The following RIMS1 variants were observed in gnomAD, a reference collection of about 807,000 sequenced individuals.
RIMS1 encodes regulating synaptic membrane exocytosis protein 1.
Under a neutral mutation model 214.1 loss-of-function variants are expected in RIMS1, and 83 were observed. That is an observed-to-expected ratio of 0.39 (90% CI 0.32 to 0.47). RIMS1 has a LOEUF of 0.47. Among genes scored for constraint, RIMS1 ranks in the 20% least tolerant of loss-of-function variants. The pLI, the probability that RIMS1 is intolerant of heterozygous loss-of-function variation, is 0.99. For missense variants in RIMS1, 2,050 were observed against 2,161.8 expected (o/e 0.95, Z 1.03); for synonymous variants, 793 against 786.8 (o/e 1.01, Z -0.13).
intron 6 of RIMS1, among the ~76,000 whole-genome samples, chr6:72,214,878 C>A (rs1403662382): frequency 1.3e-5 from 2 of 152,048 alleles, no homozygotes; most frequent in African/African-American, 4.8e-5. Context: ...CCCACCACCA[C>A]ACGCAGCTAA....
intron 27 of RIMS1, among the ~76,000 whole-genome samples, chr6:72,312,729 C>T (rs1039990953): frequency 6.6e-6 from 1 of 152,018 alleles, no homozygotes; most frequent in South Asian, 2.1e-4. Flanking sequence ...CCAGTCACTG[C>T]CTCTTTGCTC....
chr6:72,368,650 C>T (rs927059465), intron 29 of RIMS1, among the ~76,000 whole-genome samples: 7 of 151,890 alleles, frequency 4.6e-5, no homozygotes, highest in East Asian at 1.9e-4. Flanking sequence ...GCGGTAAGCA[C>T]GAGTCTTCAC....
intron 1 of RIMS1, among the ~76,000 whole-genome samples, chr6:71,922,968 T>C (rs1201824307): frequency 1.3e-5 from 2 of 150,842 alleles, no homozygotes; most frequent in Non-Finnish European, 2.9e-5. Context: ...AAACGATAGC[T>C]TAAAAAAAAT....
chr6:72,180,078 T>A (rs2048212154), intron 5 of RIMS1, among the ~76,000 whole-genome samples, 163 bp downstream of exon 5: 1 of 152,252 alleles, frequency 6.6e-6, no homozygotes, highest in African/African-American at 2.4e-5. Flanking sequence ...ATCTCTAGAA[T>A]GTATTCCTTA....
chr6:72,358,025 G>A (rs1222700742), intron 29 of RIMS1, among the ~76,000 whole-genome samples: 1 of 139,858 alleles, frequency 7.2e-6, no homozygotes, highest in Non-Finnish European at 1.7e-5. Context: ...AACACAGCTG[G>A]TGCCCGTTAG....
intron 33 of RIMS1, 36 bp downstream of exon 33, chr6:72,399,130 T>C: frequency 6.5e-7 from 1 of 1,544,048 alleles, no homozygotes. Flanking sequence ...TACATTGAAA[T>C]GTCTGTTTTA....
chr6:72,262,073 CA>C lies in RIMS1; in HGVS notation c.3116+1314del, dbSNP rs889432793. On this transcript the variant is annotated intron_variant, in intron 19 of 33. Transcript: ENST00000521978. ...AAAAAACATGCACACAAAACAAACA[CA>C]AAAAAAATCCTTATATTTTAAGCTA... is the stretch of plus-strand genomic sequence containing the variant. 29 of 984,158 alleles carry C rather than the reference CA, an allele frequency of 2.9e-5. 1 individual carries two copies. The highest frequency in any genetic ancestry group is 2.4e-4 in the South Asian group (5 of 21,250). 61.0% of individuals were successfully genotyped at this position (984,158 alleles called of 1,614,324 possible). A position where few individuals can be genotyped will look rare whatever the true frequency, so the allele number is the denominator to read the frequency against.
At chr6:71,887,221 C>G in intron 1 of RIMS1, 34 bp downstream of exon 1, 7 of 1,583,836 alleles carry the variant, frequency 4.4e-6, no homozygotes, top group South Asian at 1.2e-5. Context: ...TCCATGCCTC[C>G]GTGCCTCCAT....
intron 4 of RIMS1, among the ~76,000 whole-genome samples, chr6:72,172,173 G>A (rs528212215): frequency 6.6e-5 from 10 of 151,838 alleles, no homozygotes; most frequent in South Asian, 4.2e-4. Flanking sequence ...GAAAACATTC[G>A]AAACAAAGTG....
chr6:72,377,738 GA>G (rs1461348960), intron 29 of RIMS1, among the ~76,000 whole-genome samples: 1 of 151,978 alleles, frequency 6.6e-6, no homozygotes, highest in Non-Finnish European at 1.5e-5. Flanking sequence ...TTGTTCTTAG[GA>G]AATCATGGCC....
intron 1 of RIMS1, among the ~76,000 whole-genome samples, chr6:71,894,215 C>T (rs942797335): frequency 2.6e-5 from 4 of 152,150 alleles, no homozygotes; most frequent in East Asian, 1.9e-4. Context: ...GAGGCCAAAG[C>T]GGGTGGATCA....
intron 1 of RIMS1, among the ~76,000 whole-genome samples, chr6:71,887,942 C>T (rs1319579256): frequency 6.6e-6 from 1 of 152,146 alleles, no homozygotes; most frequent in Non-Finnish European, 1.5e-5. Flanking sequence ...TTAGTGGTTT[C>T]CAAGAGACCT....
intron 2 of RIMS1, among the ~76,000 whole-genome samples, chr6:72,091,169 T>C (rs901659616): frequency 1.4e-4 from 22 of 152,212 alleles, no homozygotes; most frequent in African/African-American, 5.3e-4. Context: ...TCTGCCCTGC[T>C]TTTACCTCAG....
At chr6:72,360,347 C>G (rs2097776575) in intron 29 of RIMS1, among the ~76,000 whole-genome samples, 1 of 152,176 alleles carries the variant, frequency 6.6e-6, no homozygotes, top group Admixed American at 6.5e-5. Flanking sequence ...TACCTTCTGA[C>G]CAGAGCACTG....
At chr6:72,327,459 C>A (rs141771687) in intron 28 of RIMS1, among the ~76,000 whole-genome samples, 3 of 151,474 alleles carry the variant, frequency 2.0e-5, no homozygotes, top group African/African-American at 7.3e-5. Flanking sequence ...TTGACTTTTG[C>A]GAATAATTTT....
chr6:72,353,022 A>C, intron 29 of RIMS1, among the ~76,000 whole-genome samples: 1 of 133,786 alleles, frequency 7.5e-6, no homozygotes, highest in African/African-American at 2.9e-5. Flanking sequence ...TGGAGTGTCA[A>C]TCTTGTTGCC....
At chr6:72,370,927 G>T (rs184338874) in intron 29 of RIMS1, among the ~76,000 whole-genome samples, 1 of 152,274 alleles carries the variant, frequency 6.6e-6, no homozygotes, top group East Asian at 1.9e-4. Context: ...GAAGAATGTA[G>T]TTGGGAGGAA....
intron 6 of RIMS1, among the ~76,000 whole-genome samples, chr6:72,191,321 A>C (rs1421280546): frequency 6.6e-6 from 1 of 152,240 alleles, no homozygotes; most frequent in African/African-American, 2.4e-5. Context: ...CTTAGAGGGA[A>C]TATCTTGACA....
intron 1 of RIMS1, among the ~76,000 whole-genome samples, chr6:71,947,182 C>A (rs571484972): frequency 6.6e-6 from 1 of 151,884 alleles, no homozygotes; most frequent in African/African-American, 2.4e-5. Flanking sequence ...CCTTTTCTCT[C>A]CAGCAATGCC....
Sources: allele counts gnomAD v4.1 joint callset (sites outside exome capture counted in the v4.1 genomes callset), GRCh38; gene constraint gnomAD v4.1.1; transcripts MANE v1.5; gene names NCBI Gene and HGNC (gene_info 2026-07-23, HGNC 2026-07-21).